The following SMG5 variants were observed in gnomAD, a reference collection of about 807,000 sequenced individuals.
The protein encoded by SMG5 is SMG5 nonsense mediated mRNA decay factor.
A neutral mutation model predicts 122.9 loss-of-function variants in SMG5; 53 were observed. The ratio of observed to expected loss-of-function variants is 0.43; its 90% CI spans 0.35 to 0.54. SMG5 has a LOEUF of 0.54. Among genes scored for constraint, SMG5 ranks in the 20% least tolerant of loss-of-function variants. SMG5 has a pLI of 0.01. For missense variants in SMG5, 1,153 were observed against 1,285.6 expected (o/e 0.90, Z 1.58); for synonymous variants, 477 against 490.2 (o/e 0.97, Z 0.35).
At chr1:156,286,080 C>T, upstream of SMG5, 1 of 1,513,426 alleles carries the variant, frequency 6.6e-7, no homozygotes, top group African/African-American at 1.4e-5. Context: ...TTCACTTGAC[C>T]TGGGCCCCTC....
intron 16 of SMG5, among the ~76,000 whole-genome samples, chr1:156,258,391 C>T (rs1370152501): frequency 6.6e-6 from 1 of 152,252 alleles, no homozygotes; most frequent in Non-Finnish European, 1.5e-5. Flanking sequence ...GACAAGGAAA[C>T]TGGCGTGGTG....
intron 19 of SMG5, among the ~76,000 whole-genome samples, chr1:156,251,993 G>A (rs547069208): frequency 6.6e-6 from 1 of 152,352 alleles, no homozygotes; most frequent in South Asian, 2.1e-4. Flanking sequence ...GCTCAGCAGG[G>A]AGGTGGGAAG....
chr1:156,278,864 T>C, intron 2 of SMG5, 72 bp downstream of exon 2: 2 of 1,279,876 alleles, frequency 1.6e-6, no homozygotes, highest in East Asian at 2.3e-5. Context: ...CGTGTTTATA[T>C]ATCTGAGAAG....
At position 156,252,300 on chromosome 1, in the gene SMG5, G is replaced by C. The variant is rs1452725762; in HGVS notation, c.2753+114C>G. On this transcript the variant is annotated intron_variant, in intron 19 of 21. Coordinates refer to ENST00000361813, the MANE Select transcript of SMG5 (RefSeq NM_015327.3). ...AGGCAGTGAGGTGAGCTAACTGTGA[G>C]TAGAGACGGGTATGTATGTGTCTTA... 9.1e-6 allele frequency: 8 copies of C among 878,888 alleles called. No individual in the cohort carries two copies. The Admixed American group carries it at 1.7e-4, about 19-fold the overall frequency. The allele number at this position is 878,888 out of a possible 1,614,324, so 54.4% of individuals were successfully genotyped here. A position where few individuals can be genotyped will look rare whatever the true frequency, so the allele number is the denominator to read the frequency against.
At chr1:156,276,031 G>C (rs1477353675) in intron 4 of SMG5, among the ~76,000 whole-genome samples, 1 of 151,462 alleles carries the variant, frequency 6.6e-6, no homozygotes, top group Non-Finnish European at 1.5e-5. Flanking sequence ...GCCCAGGCTG[G>C]TCCTGAATTC....
intron 13 of SMG5, among the ~76,000 whole-genome samples, chr1:156,262,758 C>T (rs773973636): frequency 2.0e-5 from 3 of 152,304 alleles, no homozygotes; most frequent in African/African-American, 2.4e-5. Flanking sequence ...TGACCCAAAC[C>T]GTCTCATCTG....
intron 19 of SMG5, among the ~76,000 whole-genome samples, chr1:156,251,999 G>A (rs1276795978): frequency 6.6e-6 from 1 of 152,216 alleles, no homozygotes; most frequent in Non-Finnish European, 1.5e-5. Flanking sequence ...CAGGGAGGTG[G>A]GAAGCCCCTG....
intron 14 of SMG5, among the ~76,000 whole-genome samples, 162 bp downstream of exon 14, chr1:156,261,171 G>A (rs1456824109): frequency 6.6e-6 from 1 of 152,202 alleles, no homozygotes; most frequent in Non-Finnish European, 1.5e-5. Flanking sequence ...GTGGGAAACC[G>A]GAGAGGCCTA....
chr1:156,285,505 C>G (rs1425493776), upstream of SMG5: 1 of 1,614,050 alleles, frequency 6.2e-7, no homozygotes, highest in Non-Finnish European at 8.5e-7. Flanking sequence ...ATCCCCCTGG[C>G]TGGCGGGACA....
chr1:156,285,723 A>G (rs1297653810), upstream of SMG5: 2 of 1,612,638 alleles, frequency 1.2e-6, no homozygotes, highest in East Asian at 4.5e-5. Flanking sequence ...CGGGTCACCC[A>G]CCCCGACCCC....
chr1:156,274,470 A>C, intron 5 of SMG5, 127 bp downstream of exon 5: 2 of 798,346 alleles, frequency 2.5e-6, no homozygotes, highest in Non-Finnish European at 4.3e-6. Flanking sequence ...ATGGGAGGGA[A>C]AAAGTTATCA....
chr1:156,252,599 C>T (rs929300196), intron 18 of SMG5, 95 bp from the exon 19 acceptor site: 14 of 1,315,598 alleles, frequency 1.1e-5, no homozygotes, highest in Non-Finnish European at 1.5e-5. Context: ...TCAGTACACT[C>T]TTCAGGCAGA....
Position 156,250,475 on chromosome 1 carries a change from T to C in SMG5, c.*112A>G. ...TCTGAGCAGCTAGGCCTCCCTCCTG[T>C]GTGCGTGCATGAGTCTGCGTGTGGT... On this transcript the variant is annotated 3_prime_UTR_variant, in exon 22 of 22. Transcript: ENST00000361813. 1.1e-6 allele frequency: 1 copy of C among 920,166 alleles called. No homozygotes were observed. The highest frequency in any genetic ancestry group is 1.8e-6 in the Non-Finnish European group (1 of 568,850). 57.0% of individuals were successfully genotyped at this position (920,166 alleles called of 1,614,324 possible).
chr1:156,263,296 TG>T (rs1661943071), intron 13 of SMG5, 98 bp downstream of exon 13: 4 of 1,332,822 alleles, frequency 3.0e-6, no homozygotes, highest in African/African-American at 1.5e-5. Context: ...CAATAATTCT[TG>T]CCTTGGCCAT....
chr1:156,266,829 G>C, intron 10 of SMG5, 151 bp from the exon 11 acceptor site: 2 of 1,066,310 alleles, frequency 1.9e-6, no homozygotes, highest in Non-Finnish European at 2.6e-6. Context: ...ACTTTTTAGA[G>C]ACAAGAGTCT....
intron 12 of SMG5, among the ~76,000 whole-genome samples, chr1:156,264,841 C>G (rs1209864109): frequency 6.6e-6 from 1 of 152,128 alleles, no homozygotes; most frequent in African/African-American, 2.4e-5. Context: ...GCCTGGCCAA[C>G]ATGGCGAAAC....
At chr1:156,278,665 C>T (rs1662797800) in intron 2 of SMG5, among the ~76,000 whole-genome samples, 1 of 152,130 alleles carries the variant, frequency 6.6e-6, no homozygotes, top group South Asian at 2.1e-4. Context: ...CTGTGCCCTG[C>T]CTCGAATGCC....
At position 156,249,808 on chromosome 1, in the gene SMG5, G is replaced by C. The variant is rs533932647; in HGVS notation, c.*779C>G. ...CCAGCACAGCAGCCAAGAGCACAAA[G>C]CACAGCACCTGTGGGGCTGGTGGGC... On this transcript the variant is annotated 3_prime_UTR_variant, in exon 22 of 22. Coordinates refer to ENST00000361813, the MANE Select transcript of SMG5 (RefSeq NM_015327.3). The C allele has an allele frequency of 1.5e-5, 7 of 471,262 alleles. No homozygotes were observed. The highest frequency in any genetic ancestry group is 9.3e-5 in the South Asian group (6 of 64,574). The allele number at this position is 471,262 out of a possible 1,614,324, so 29.2% of individuals were successfully genotyped here.
chr1:156,281,978 C>T (rs112437780), intron 1 of SMG5, among the ~76,000 whole-genome samples: 1,585 of 152,224 alleles, frequency 0.01, 17 homozygotes, highest in Middle Eastern at 0.037. Flanking sequence ...TCAGGAGTCC[C>T]CAGGTGCCCG....
Sources: gnomAD v4.1 joint callset for allele counts (sites outside exome capture counted in the v4.1 genomes callset) on GRCh38, gnomAD v4.1.1 for gene constraint, MANE v1.5 for transcripts, NCBI Gene and HGNC (gene_info 2026-07-23, HGNC 2026-07-21) for gene names.